The following GPHN variants were observed in gnomAD, a reference collection of about 807,000 sequenced individuals.
The protein encoded by GPHN is gephyrin.
In GPHN, 17 loss-of-function variants were observed where a neutral mutation model predicts 95.5. That is an observed-to-expected ratio of 0.18 (90% confidence interval 0.12 to 0.27). GPHN has a LOEUF of 0.27. GPHN is among the 10% of genes least tolerant of loss of function. The pLI is 1.00. For synonymous variants in GPHN, 320 were observed against 322.5 expected, an observed-to-expected ratio of 0.99 and a Z score of 0.08; for missense variants, 660 against 978.1, an observed-to-expected ratio of 0.67 and a Z score of 4.34.
chr14:66,803,431 T>A (rs954023606), intron 3 of GPHN, among the ~76,000 whole-genome samples: 2 of 152,206 alleles, frequency 1.3e-5, no homozygotes, highest in Non-Finnish European at 2.9e-5. Flanking sequence ...TTTTTTTGTG[T>A]AGATAGTTGT....
intron 1 of GPHN, among the ~76,000 whole-genome samples, chr14:66,522,019 GA>G (rs1294633369): frequency 6.6e-6 from 1 of 152,040 alleles, no homozygotes. Flanking sequence ...CTTCTGCCAT[GA>G]AAATGCTCCT....
At chr14:67,567,490 G>A in the GPHN span, among the ~76,000 whole-genome samples, 3 of 151,972 alleles carry the variant, frequency 2.0e-5, no homozygotes, top group African/African-American at 7.3e-5. Context: ...ACTCTGGGCA[G>A]AAATAATCCT....
At chr14:67,349,089 T>G in the GPHN span, 1 of 1,613,984 alleles carries the variant, frequency 6.2e-7, no homozygotes, top group Admixed American at 1.7e-5. Context: ...TATTGACATT[T>G]TGGATAACTG....
chr14:66,938,315 C>T (rs2067233051), intron 8 of GPHN, among the ~76,000 whole-genome samples: 1 of 152,082 alleles, frequency 6.6e-6, no homozygotes, highest in Admixed American at 6.5e-5. Flanking sequence ...TCAGGGTCTA[C>T]TAAATTGTGT....
At chr14:67,052,927 T>G (rs529305515) in intron 10 of GPHN, among the ~76,000 whole-genome samples, 1 of 152,096 alleles carries the variant, frequency 6.6e-6, no homozygotes, top group Admixed American at 6.6e-5. Context: ...TGCCAGAACC[T>G]CTGGGACGCA....
At position 66,509,842 on chromosome 14, in the gene GPHN, T is replaced by C. The variant is rs2057969689; in HGVS notation, c.64+1251T>C. 1.3e-5 allele frequency among the ~76,000 whole-genome samples: 2 copies of C among 152,206 alleles called. 1 individual carries two copies. Among genetic ancestry groups the C allele is most frequent in the South Asian group, 4.1e-4 (2 of 4,820 alleles). On this transcript the variant is annotated intron_variant, in intron 1 of 22. Coordinates refer to ENST00000478722, the MANE Select transcript of GPHN (RefSeq NM_020806.5). ...ATTGAATAAGACTTGCTTTTATTAT[T>C]AGGTAGAAAAAAAATGTCTGAGACT...
intron 4 of GPHN, among the ~76,000 whole-genome samples, chr14:66,859,667 G>A (rs2062949200): frequency 6.6e-6 from 1 of 152,174 alleles, no homozygotes; most frequent in South Asian, 2.1e-4. Context: ...ACAGAGATAT[G>A]TGATCTTTTA....
At chr14:67,384,011 A>G in the GPHN span, 1 of 157,520 alleles carries the variant, frequency 6.3e-6, no homozygotes, top group African/African-American at 2.4e-5. Context: ...AGAGTTTTAG[A>G]GAAAATAAAT....
intron 9 of GPHN, among the ~76,000 whole-genome samples, chr14:67,011,818 T>A (rs564573970): frequency 2.0e-5 from 3 of 152,002 alleles, no homozygotes; most frequent in African/African-American, 7.2e-5. Context: ...GTGTTGTGTG[T>A]ATAAATACAC....
At chr14:66,956,532 C>A (rs2068516478) in intron 8 of GPHN, among the ~76,000 whole-genome samples, 1 of 152,040 alleles carries the variant, frequency 6.6e-6, no homozygotes, top group South Asian at 2.1e-4. Context: ...TTCTCCACAT[C>A]CTCTCCAGCA....
intron 3 of GPHN, among the ~76,000 whole-genome samples, chr14:66,803,884 G>A (rs1452913539): frequency 6.6e-6 from 1 of 151,848 alleles, no homozygotes; most frequent in Admixed American, 6.6e-5. Flanking sequence ...TTCCAATGCT[G>A]TGGTGATATT....
At chr14:67,513,423 T>A in the GPHN span, among the ~76,000 whole-genome samples, 1 of 152,078 alleles carries the variant, frequency 6.6e-6, no homozygotes, top group Non-Finnish European at 1.5e-5. Context: ...GGGGACTCAG[T>A]TTTCTCCTGC....
the GPHN span, among the ~76,000 whole-genome samples, chr14:67,257,742 G>A: frequency 6.6e-6 from 1 of 152,124 alleles, no homozygotes; most frequent in Non-Finnish European, 1.5e-5. Flanking sequence ...GAAACTGAGA[G>A]TTAAAAGTGT....
At chr14:66,690,433 GT>G (rs1395402558) in intron 2 of GPHN, among the ~76,000 whole-genome samples, 1 of 152,108 alleles carries the variant, frequency 6.6e-6, no homozygotes, top group Non-Finnish European at 1.5e-5. Context: ...GTTGAGCCTT[GT>G]TTTGTGACCT....
intron 18 of GPHN, among the ~76,000 whole-genome samples, chr14:67,159,153 T>C (rs1382014446): frequency 6.6e-6 from 1 of 152,184 alleles, no homozygotes; most frequent in Non-Finnish European, 1.5e-5. Flanking sequence ...AGGACAGGGA[T>C]GTTGTCTCTT....
the GPHN span, among the ~76,000 whole-genome samples, chr14:67,225,972 C>T: frequency 6.3e-3 from 674 of 107,254 alleles, 6 homozygotes; most frequent in African/African-American, 0.018. Context: ...TGCGCGCGCG[C>T]GCGTGCGCAT....
chr14:67,255,300 AATTAGG>A, the GPHN span, among the ~76,000 whole-genome samples: 1 of 152,322 alleles, frequency 6.6e-6, no homozygotes, highest in Non-Finnish European at 1.5e-5. Context: ...TGAGTTTGGT[AATTAGG>A]ATTCTTTGAG....
chr14:66,612,856 C>CTTA (rs2153288511), intron 1 of GPHN, among the ~76,000 whole-genome samples: 2 of 152,146 alleles, frequency 1.3e-5, no homozygotes, highest in South Asian at 4.1e-4. Flanking sequence ...AGATTTATCT[C>CTTA]TTATTATTGC....
At chr14:67,385,439 CAAA>C in the GPHN span, 26,815 of 98,632 alleles carry the variant, frequency 0.27, 3,895 homozygotes, top group East Asian at 0.49. Context: ...GACCCTGTCT[CAAA>C]AAAAAAAAAA....
Sources: gnomAD v4.1 joint callset for allele counts (sites outside exome capture counted in the v4.1 genomes callset) on GRCh38, gnomAD v4.1.1 for gene constraint, MANE v1.5 for transcripts, NCBI Gene and HGNC (gene_info 2026-07-23, HGNC 2026-07-21) for gene names.